The following EIF5A variants were observed in gnomAD, a reference collection of about 807,000 sequenced individuals.
EIF5A encodes the protein eukaryotic translation initiation factor 5A, also known as eukaryotic translation initiation factor 5A-1.
A neutral mutation model predicts 16.6 loss-of-function variants in EIF5A; 1 was observed. That is an observed-to-expected ratio of 0.06 (90% CI 0.02 to 0.28). EIF5A has a LOEUF of 0.28. Ranked by LOEUF, EIF5A falls within the 10% of genes least tolerant of loss-of-function variation. The pLI is 1.00. For missense variants in EIF5A, 29 were observed against 196.1 expected, an observed-to-expected ratio of 0.15 and a Z score of 5.09; for synonymous variants, 80 against 73.6, an observed-to-expected ratio of 1.09 and a Z score of -0.44.
chr17:7,307,981 G>A (rs2072676649), intron 1 of EIF5A: 1 of 985,038 alleles, frequency 1.0e-6, no homozygotes. Flanking sequence ...GGCGGGGGAC[G>A]GCGAGCCGCG....
In EIF5A at chr17:7,311,911, T is replaced by G. The variant is rs187784355; in HGVS notation, c.*101T>G. 214 of 583,406 alleles carry G rather than the reference T, an allele frequency of 3.7e-4. 1 individual carries two copies. Among genetic ancestry groups the G allele is most frequent in the East Asian group, 3.1e-3 (105 of 33,642 alleles). The allele number at this position is 583,406 out of a possible 1,614,324, so 36.1% of individuals were successfully genotyped here. ...GCTCTGGCCCGGTCCTAAGCTGGACTCCTCCTACACAATTTATTTGACGTT... is the reference window on the plus strand; with the variant it reads ...GCTCTGGCCCGGTCCTAAGCTGGACGCCTCCTACACAATTTATTTGACGTT... On this transcript the variant is annotated 3_prime_UTR_variant, in exon 6 of 6. Coordinates refer to ENST00000336458, the MANE Select transcript of EIF5A (RefSeq NM_001970.5).
At chr17:7,309,569 T>C in intron 1 of EIF5A, 46 bp from the exon 2 acceptor site, 2 of 1,601,736 alleles carry the variant, frequency 1.2e-6, no homozygotes, top group Non-Finnish European at 1.7e-6. Flanking sequence ...TTGGAGGTCC[T>C]GTTGACCTCC....
At chr17:7,308,105 C>T (rs1413153887) in intron 1 of EIF5A, 10 of 987,520 alleles carry the variant, frequency 1.0e-5, no homozygotes, top group African/African-American at 9.5e-5. Flanking sequence ...CTCAGCGCGG[C>T]CACGTGAGGT....
chr17:7,308,147 A>AT (rs1388492615), intron 1 of EIF5A: 2 of 95,602 alleles, frequency 2.1e-5, no homozygotes, highest in Non-Finnish European at 3.1e-5. Context: ...AGAGGGCATG[A>AT]TGGGGGGGGT....
chr17:7,307,127 A>C (rs2072646845), upstream of EIF5A: 3 of 1,587,506 alleles, frequency 1.9e-6, no homozygotes, highest in Middle Eastern at 1.7e-4. Context: ...TGAGTCGTTT[A>C]AGTCCAGTTA....
upstream of EIF5A, chr17:7,307,189 G>A: frequency 2.0e-6 from 3 of 1,467,062 alleles, no homozygotes; most frequent in East Asian, 2.5e-5. Context: ...CGAGACAAGT[G>A]ATCTAGCGGC....
intron 5 of EIF5A, 35 bp from the exon 6 acceptor site, chr17:7,311,787 T>C: frequency 5.1e-6 from 6 of 1,165,468 alleles, no homozygotes; most frequent in Non-Finnish European, 7.4e-6. Context: ...GTTGAAGGTA[T>C]TATCCTGTCT....
Position 7,307,941 on chromosome 17 carries a change from G to C in EIF5A, c.-22+189G>C, listed in dbSNP as rs112998819. 5,403 of 984,868 alleles carry C rather than the reference G, an allele frequency of 5.5e-3. 215 individuals carry two copies. In the African/African-American group the frequency reaches 0.088, roughly 16 times the overall value. The allele number at this position is 984,868 out of a possible 1,614,324, so 61.0% of individuals were successfully genotyped here. On this transcript the variant is annotated intron_variant, in intron 1 of 5. Transcript: ENST00000336458. ...GGTTGGCGCGCGGGGTGACGGTTGG[G>C]GTTGGCCCGGTGACGTTGGAGCGAC...
In EIF5A at chr17:7,311,101, C is replaced by T. The variant is rs764973541; in HGVS notation, c.249C>T (p.Asn83=). The change falls in exon 3 of 6, where the codon AAC becomes AAT. Residue 83 remains asparagine, a synonymous_variant. Coordinates refer to ENST00000336458, the MANE Select transcript of EIF5A (RefSeq NM_001970.5). ...CAACTCATAATATGGATGTCCCCAA[C>T]ATCAAAAGGAATGACTTCCAGGTAT... The part of the protein sequence containing the change: ...CPSTHNMDVP[N]IKRNDFQLIG... 1.9e-6 allele frequency: 3 copies of T among 1,613,780 alleles called. No homozygotes were observed. Among genetic ancestry groups the T allele is most frequent in the South Asian group, 1.1e-5 (1 of 91,026 alleles).
intron 1 of EIF5A, chr17:7,308,259 G>A (rs1261210710): frequency 4.8e-6 from 5 of 1,045,810 alleles, no homozygotes; most frequent in Non-Finnish European, 5.9e-6. Flanking sequence ...ACGGGAGGCT[G>A]CCCTCGGGGT....
In EIF5A at chr17:7,311,004, A is replaced by G; in HGVS notation, c.166-14A>G. On this transcript the variant is annotated splice_polypyrimidine_tract_variant and intron_variant, in intron 2 of 5. Transcript: ENST00000336458. ...GAGTTTGGTTGGGTTTCTCTTTGTG[A>G]TGCATACATACAGGTCCATCTGGTT... is the stretch of plus-strand genomic sequence containing the variant. 6.2e-7 allele frequency: 1 copy of G among 1,604,944 alleles called. No individual in the cohort carries two copies. The highest frequency in any genetic ancestry group is 1.7e-5 in the Admixed American group (1 of 58,828).
intron 1 of EIF5A, chr17:7,308,143 C>A: frequency 2.5e-6 from 2 of 798,148 alleles, no homozygotes; most frequent in Non-Finnish European, 2.9e-6. Flanking sequence ...GGTGAGAGGG[C>A]ATGATGGGGG....
At chr17:7,310,952 A>G (rs891799959) in intron 2 of EIF5A, 66 bp from the exon 3 acceptor site, 59 of 1,541,038 alleles carry the variant, frequency 3.8e-5, no homozygotes, top group Non-Finnish European at 4.5e-5. Context: ...GGCAAGGTCA[A>G]TTTGAGCCTT....
chr17:7,307,080 A>G, upstream of EIF5A: 1 of 1,604,164 alleles, frequency 6.2e-7, no homozygotes. Context: ...TTCCAAGACA[A>G]GGCGCCCACC....
chr17:7,308,175 G>A lies in EIF5A; in HGVS notation c.-22+423G>A, dbSNP rs544344311. 4.7e-3 allele frequency: 1,249 copies of A among 266,170 alleles called. 11 individuals are homozygous for A. Among genetic ancestry groups the A allele is most frequent in the Non-Finnish European group, 6.8e-3 (1,066 of 157,002 alleles). 16.5% of individuals were successfully genotyped at this position (266,170 alleles called of 1,614,324 possible). A position where few individuals can be genotyped will look rare whatever the true frequency, so the allele number is the denominator to read the frequency against. On this transcript the variant is annotated intron_variant, in intron 1 of 5. Coordinates refer to ENST00000336458, the MANE Select transcript of EIF5A (RefSeq NM_001970.5). ...GGGGGGGTTGGCGGACGGCCGGGGG[G>A]AGGGGAGGCGGCGTGGCTCCGGCCT...
intron 2 of EIF5A, 63 bp from the exon 3 acceptor site, chr17:7,310,955 T>G: frequency 6.5e-7 from 1 of 1,546,640 alleles, no homozygotes; most frequent in South Asian, 1.2e-5. Flanking sequence ...AAGGTCAATT[T>G]GAGCCTTTAT....
At chr17:7,307,561 G>C, upstream of EIF5A, 2 of 1,008,594 alleles carry the variant, frequency 2.0e-6, no homozygotes, top group Non-Finnish European at 2.4e-6. Context: ...GGGCGGAGGA[G>C]ATAGATAGCA....
At chr17:7,310,771 T>C (rs540040781) in intron 2 of EIF5A, 1 of 985,406 alleles carries the variant, frequency 1.0e-6, no homozygotes, top group African/African-American at 1.7e-5. Flanking sequence ...GTAACTGTCT[T>C]CTCCAAGCCT....
chr17:7,309,596 G>C lies in EIF5A; in HGVS notation c.-21-19G>C. The C allele has an allele frequency of 6.2e-7, 1 of 1,613,858 alleles. No homozygotes were observed. The highest frequency in any genetic ancestry group is 8.5e-7 in the Non-Finnish European group (1 of 1,179,998). ...TTGACCTCCATGCTTATTCACTTCA[G>C]TTCTCTTCTTGGCTCTAGTTGGAAT... On this transcript the variant is annotated intron_variant, in intron 1 of 5. Transcript: ENST00000336458.
Sources: allele counts gnomAD v4.1 joint callset, GRCh38; gene constraint gnomAD v4.1.1; transcripts MANE v1.5; gene names NCBI Gene and HGNC (gene_info 2026-07-23, HGNC 2026-07-21).